Variants in DGLUCY observed in about 807,000 individuals in gnomAD.
DGLUCY encodes D-glutamate cyclase, also known as D-glutamate cyclase, mitochondrial.
DGLUCY carries 58 observed loss-of-function variants against 58.5 expected under a neutral mutation model. The ratio of observed to expected loss-of-function variants is 0.99; its 90% CI spans 0.80 to 1.23. The LOEUF (loss-of-function observed/expected upper bound fraction) is 1.23. DGLUCY is among the 50% of genes most tolerant of loss of function. The pLI, the probability that DGLUCY is intolerant of heterozygous loss-of-function variation, is 0.00. For synonymous variants in DGLUCY, 325 were observed against 314.1 expected (o/e 1.03, Z -0.37); for missense variants, 779 against 784.7 (o/e 0.99, Z 0.09).
intron 1 of DGLUCY, among the ~76,000 whole-genome samples, chr14:91,089,408 T>C (rs1013032432): frequency 1.3e-5 from 2 of 152,258 alleles, no homozygotes; most frequent in African/African-American, 4.8e-5. Context: ...CTGACTTTCC[T>C]GTAGTTCTGG....
chr14:91,065,939 C>T (rs559563273), intron 1 of DGLUCY, among the ~76,000 whole-genome samples: 2 of 152,272 alleles, frequency 1.3e-5, no homozygotes, highest in South Asian at 4.1e-4. Context: ...CTGCTCCCTC[C>T]TGCCCTGAGA....
intron 12 of DGLUCY, among the ~76,000 whole-genome samples, chr14:91,211,467 G>C (rs113898798): frequency 0.011 from 1,651 of 152,300 alleles, 34 homozygotes; most frequent in African/African-American, 0.038. Context: ...TGTGGTATTG[G>C]TGAAAGAACA....
At chr14:91,223,993 T>C (rs1403896155) in intron 13 of DGLUCY, among the ~76,000 whole-genome samples, 1 of 152,156 alleles carries the variant, frequency 6.6e-6, no homozygotes, top group Non-Finnish European at 1.5e-5. Context: ...TGGGGGCTTG[T>C]ATTCTCTGTG....
intron 1 of DGLUCY, among the ~76,000 whole-genome samples, chr14:91,139,074 G>A (rs1458044080): frequency 1.3e-5 from 2 of 152,144 alleles, no homozygotes; most frequent in Non-Finnish European, 2.9e-5. Context: ...TAAAGAATTG[G>A]CTCACAGGAT....
At chr14:91,074,118 TACACAC>T (rs3086753) in intron 1 of DGLUCY, among the ~76,000 whole-genome samples, 47 of 70,332 alleles carry the variant, frequency 6.7e-4, no homozygotes, top group Admixed American at 1.9e-3. Flanking sequence ...TATATATATA[TACACAC>T]ACACACACAC....
At chr14:91,068,621 A>T (rs942140779) in intron 1 of DGLUCY, among the ~76,000 whole-genome samples, 4 of 152,200 alleles carry the variant, frequency 2.6e-5, no homozygotes, top group Admixed American at 1.3e-4. Context: ...GTGAGCTGAG[A>T]TCGTGCCATT....
intron 2 of DGLUCY, chr14:91,159,119 C>T (rs994185534): frequency 6.7e-6 from 1 of 148,678 alleles, no homozygotes; most frequent in African/African-American, 2.4e-5. Context: ...GCGTGAGCCA[C>T]CACACCTGGC....
intron 3 of DGLUCY, among the ~76,000 whole-genome samples, chr14:91,164,967 C>T (rs2048196493): frequency 6.6e-6 from 1 of 152,188 alleles, no homozygotes; most frequent in South Asian, 2.1e-4. Flanking sequence ...CCAGAAGAGC[C>T]GTCTGGGAGT....
intron 13 of DGLUCY, among the ~76,000 whole-genome samples, chr14:91,219,159 G>A (rs1290545975): frequency 1.3e-5 from 2 of 151,558 alleles, no homozygotes; most frequent in Non-Finnish European, 2.9e-5. Context: ...CAGCCTGGGT[G>A]ACAGAGTGAG....
At chr14:91,133,868 G>A (rs1361269689) in intron 1 of DGLUCY, among the ~76,000 whole-genome samples, 3 of 152,182 alleles carry the variant, frequency 2.0e-5, no homozygotes, top group East Asian at 3.8e-4. Context: ...GTATCTCACT[G>A]TGGTTTTGAT....
At chr14:91,191,053 A>G (rs1205840750) in intron 9 of DGLUCY, among the ~76,000 whole-genome samples, 1 of 152,166 alleles carries the variant, frequency 6.6e-6, no homozygotes. Context: ...GCCACAAGCT[A>G]GGGCCCTGCA....
At chr14:91,133,442 A>G (rs569351374) in intron 1 of DGLUCY, among the ~76,000 whole-genome samples, 1 of 152,202 alleles carries the variant, frequency 6.6e-6, no homozygotes, top group Non-Finnish European at 1.5e-5. Flanking sequence ...TAATACTGCT[A>G]TGAATATTGG....
At chr14:91,196,517 C>T (rs201376542) in intron 10 of DGLUCY, 43 bp downstream of exon 10, 37 of 1,499,990 alleles carry the variant, frequency 2.5e-5, no homozygotes, top group Admixed American at 5.2e-5. Flanking sequence ...ATGGTGGAAA[C>T]GCCCATATGC....
rs1294842324 is a variant in DGLUCY at position 91,179,953 on chromosome 14, G to A, written c.731-1233G>A. 3.2e-5 allele frequency among the ~76,000 whole-genome samples: 4 copies of A among 126,370 alleles called. No individual in the cohort carries two copies. In the Admixed American group the frequency reaches 3.9e-4, roughly 12 times the overall value. 82.9% of individuals were successfully genotyped at this position (126,370 alleles called of 152,430 possible). A position where few individuals can be genotyped will look rare whatever the true frequency, so the allele number is the denominator to read the frequency against. On this transcript the variant is annotated intron_variant, in intron 7 of 13. Transcript: ENST00000256324. ...GTTGCCTAGGCTGGAGTGCAGTGAC[G>A]TGTTCTCAGCTCACTGCAGCCTCTG...
At chr14:91,161,852 T>C (rs1424783573) in intron 3 of DGLUCY, among the ~76,000 whole-genome samples, 3 of 150,868 alleles carry the variant, frequency 2.0e-5, no homozygotes, top group Admixed American at 2.0e-4. Context: ...TGGCAAAAAC[T>C]GCAATTACTT....
intron 13 of DGLUCY, among the ~76,000 whole-genome samples, chr14:91,218,425 A>G (rs1446775907): frequency 1.4e-5 from 2 of 148,138 alleles, no homozygotes; most frequent in Non-Finnish European, 3.0e-5. Flanking sequence ...TTTTCTTGAG[A>G]TGGAGTCTCA....
intron 3 of DGLUCY, among the ~76,000 whole-genome samples, chr14:91,161,598 A>G (rs2047987251): frequency 6.6e-6 from 1 of 152,078 alleles, no homozygotes; most frequent in African/African-American, 2.4e-5. Context: ...ACTTCTTTAC[A>G]TGGGACGCCA....
At chr14:91,215,825 T>G in intron 13 of DGLUCY, 3 of 1,168,820 alleles carry the variant, frequency 2.6e-6, no homozygotes, top group Non-Finnish European at 3.3e-6. Flanking sequence ...AGCCTCATTT[T>G]CTTCATCTGT....
chr14:91,184,596 A>C, intron 8 of DGLUCY, among the ~76,000 whole-genome samples: 1 of 61,486 alleles, frequency 1.6e-5, no homozygotes. Context: ...GGAGGGAGGG[A>C]GGGAGGGAGT....
Sources: allele counts gnomAD v4.1 joint callset (sites outside exome capture counted in the v4.1 genomes callset), GRCh38; gene constraint gnomAD v4.1.1; transcripts MANE v1.5; gene names NCBI Gene and HGNC (gene_info 2026-07-23, HGNC 2026-07-21).